DLG2: variants seen among roughly 807,000 people sequenced by gnomAD.
DLG2 encodes disks large homolog 2.
DLG2 carries 45 observed loss-of-function variants against 132.5 expected under a neutral mutation model. That is an observed-to-expected ratio of 0.34 (90% CI 0.27 to 0.44). DLG2 has a LOEUF of 0.44. Ranked by LOEUF, DLG2 falls within the 20% of genes least tolerant of loss-of-function variation. The pLI, the probability that DLG2 is intolerant of heterozygous loss-of-function variation, is 1.00. For missense variants in DLG2, 1,045 were observed against 1,196.9 expected (o/e 0.87, Z 1.87); for synonymous variants, 424 against 419.6 (o/e 1.01, Z -0.13).
chr11:85,353,282 A>G (rs1173681124), intron 3 of DLG2, among the ~76,000 whole-genome samples: 2 of 152,238 alleles, frequency 1.3e-5, no homozygotes, highest in African/African-American at 4.8e-5. Context: ...TCAAAACCAC[A>G]ATGAGATACC....
chr11:84,579,188 C>CGTGTGTGT (rs140667305), intron 6 of DLG2, among the ~76,000 whole-genome samples: 2,676 of 145,672 alleles, frequency 0.018, 64 homozygotes, highest in African/African-American at 0.056. Context: ...GCATTATTCA[C>CGTGTGTGT]GTGTGTGTGT....
At chr11:83,924,089 C>G (rs1300177462) in intron 15 of DLG2, among the ~76,000 whole-genome samples, 1 of 152,044 alleles carries the variant, frequency 6.6e-6, no homozygotes, top group African/African-American at 2.4e-5. Flanking sequence ...TTACTTGGAA[C>G]ACATCTCTTC....
intron 18 of DLG2, among the ~76,000 whole-genome samples, chr11:83,758,314 C>T (rs1007432549): frequency 1.1e-4 from 16 of 152,050 alleles, no homozygotes; most frequent in African/African-American, 3.9e-4. Context: ...ATCCAATTAC[C>T]CCACAGAACT....
intron 11 of DLG2, among the ~76,000 whole-genome samples, chr11:83,982,660 C>A (rs981209551): frequency 2.0e-5 from 3 of 151,900 alleles, no homozygotes; most frequent in Admixed American, 6.6e-5. Flanking sequence ...TAAAAATAAA[C>A]TTAATCTAGC....
At position 84,991,096 on chromosome 11, in the gene DLG2, A is replaced by C. The variant is rs554059915; in HGVS notation, c.357+120565T>G. 1.2e-4 allele frequency among the ~76,000 whole-genome samples: 18 copies of C among 152,356 alleles called. No homozygotes were observed. In the South Asian group the frequency reaches 3.7e-3, roughly 32 times the overall value. ...ACCAGATAAATACACAGAATGAAAA[A>C]ATATATACCAAAAGGTTACATGCAT... On this transcript the variant is annotated intron_variant, in intron 6 of 27. Transcript: ENST00000376104.
At chr11:85,230,424 T>C (rs990587202) in intron 4 of DLG2, among the ~76,000 whole-genome samples, 2 of 151,768 alleles carry the variant, frequency 1.3e-5, no homozygotes, top group East Asian at 3.9e-4. Context: ...CTCGTATTCA[T>C]TTATTTAAAT....
intron 6 of DLG2, among the ~76,000 whole-genome samples, chr11:84,744,239 GA>G (rs1028386591): frequency 6.6e-6 from 1 of 152,120 alleles, no homozygotes; most frequent in African/African-American, 2.4e-5. Context: ...ATGAGAAAAT[GA>G]ATCACATTCT....
At position 83,787,316 on chromosome 11, in the gene DLG2, T is replaced by TC. The variant is rs1355805714; in HGVS notation, c.1723-525_1723-524insG. 6.8e-3 allele frequency among the ~76,000 whole-genome samples: 613 copies of TC among 90,302 alleles called. 6 individuals are homozygous for TC. The highest frequency in any genetic ancestry group is 0.01 in the Non-Finnish European group (488 of 47,872). The allele number at this position is 90,302 out of a possible 152,430, so 59.2% of individuals were successfully genotyped here. A position where few individuals can be genotyped will look rare whatever the true frequency, so the allele number is the denominator to read the frequency against. On this transcript the variant is annotated intron_variant, in intron 17 of 27. Coordinates refer to ENST00000376104, the MANE Select transcript of DLG2 (RefSeq NM_001142699.3). ...GGTTAGACAGCCTTAAGCCTTGTTT[T>TC]TTTTTTGTTTTTTTTTTTTTTTTTA...
chr11:85,157,103 G>A (rs996805011), intron 4 of DLG2, among the ~76,000 whole-genome samples: 1 of 152,116 alleles, frequency 6.6e-6, no homozygotes, highest in Non-Finnish European at 1.5e-5. Context: ...AGATTAGACT[G>A]GCCTAGCCTC....
At chr11:85,173,991 A>C (rs1456638947) in intron 4 of DLG2, among the ~76,000 whole-genome samples, 1 of 152,212 alleles carries the variant, frequency 6.6e-6, no homozygotes, top group Non-Finnish European at 1.5e-5. Context: ...AGAGAACTAA[A>C]AGAGACTTAG....
chr11:84,273,395 A>C, intron 7 of DLG2: 1 of 1,161,048 alleles, frequency 8.6e-7, no homozygotes, highest in Non-Finnish European at 1.1e-6. Flanking sequence ...CTTAAGACTT[A>C]AAAAAAAAGT....
At chr11:83,724,492 A>AT (rs2089566688) in intron 18 of DLG2, among the ~76,000 whole-genome samples, 2 of 146,018 alleles carry the variant, frequency 1.4e-5, no homozygotes, top group African/African-American at 5.2e-5. Flanking sequence ...AGAGAGAGAG[A>AT]GAGAGAGAGA....
At chr11:84,959,447 T>C (rs936814489) in intron 6 of DLG2, among the ~76,000 whole-genome samples, 1 of 152,188 alleles carries the variant, frequency 6.6e-6, no homozygotes, top group Non-Finnish European at 1.5e-5. Context: ...TCTACAGTAC[T>C]TGGCAAACAC....
chr11:83,565,533 CCAGAAATTTCTATT>C lies in DLG2; in HGVS notation c.1941-23689_1941-23676del, dbSNP rs532529197. On this transcript the variant is annotated intron_variant, in intron 19 of 27. Transcript: ENST00000376104. ...AGCAAACTGAATTTTCTCAGAACTG[CCAGAAATTTCTATT>C]CAGTGCAGAGTACACAGTGAAATTT... is the stretch of plus-strand genomic sequence containing the variant. 6.2e-3 allele frequency among the ~76,000 whole-genome samples: 941 copies of C among 152,256 alleles called. 10 individuals carry two copies. Among genetic ancestry groups the C allele is most frequent in the African/African-American group, 0.021 (869 of 41,534 alleles).
intron 8 of DLG2, among the ~76,000 whole-genome samples, chr11:84,218,010 A>G (rs932897773): frequency 2.6e-5 from 4 of 152,080 alleles, no homozygotes; most frequent in African/African-American, 4.8e-5. Context: ...TCTAATAAAA[A>G]TACAAAAATT....
At chr11:83,720,103 G>T (rs1029448690) in intron 18 of DLG2, among the ~76,000 whole-genome samples, 2 of 151,526 alleles carry the variant, frequency 1.3e-5, no homozygotes, top group Non-Finnish European at 2.9e-5. Flanking sequence ...GACCAGCCTG[G>T]TCAACATGGC....
At chr11:84,633,935 G>A (rs771739257) in intron 6 of DLG2, among the ~76,000 whole-genome samples, 13 of 152,138 alleles carry the variant, frequency 8.5e-5, no homozygotes, top group Non-Finnish European at 1.8e-4. Flanking sequence ...GCAACTTCCT[G>A]CCTCACTGCA....
chr11:85,023,076 T>TAA (rs996003318), intron 6 of DLG2, among the ~76,000 whole-genome samples: 87 of 151,942 alleles, frequency 5.7e-4, no homozygotes, highest in African/African-American at 2.0e-3. Context: ...ACATCGATAC[T>TAA]AAAAAAATGA....
At chr11:85,178,679 C>T (rs1045631932) in intron 4 of DLG2, among the ~76,000 whole-genome samples, 2 of 151,452 alleles carry the variant, frequency 1.3e-5, no homozygotes, top group Non-Finnish European at 3.0e-5. Flanking sequence ...TAGAACAAGA[C>T]AGATATAACA....
Sources: gnomAD v4.1 joint callset for allele counts (sites outside exome capture counted in the v4.1 genomes callset) on GRCh38, gnomAD v4.1.1 for gene constraint, MANE v1.5 for transcripts, NCBI Gene and HGNC (gene_info 2026-07-23, HGNC 2026-07-21) for gene names.